Variants in FGD5 observed in about 807,000 individuals in gnomAD.
FGD5 encodes the protein FYVE, RhoGEF and PH domain-containing protein 5.
In FGD5, 28 loss-of-function variants were observed where a neutral mutation model predicts 133.4. The ratio of observed to expected loss-of-function variants is 0.21; its 90% CI spans 0.16 to 0.29. The LOEUF (loss-of-function observed/expected upper bound fraction) is 0.29, where lower values mean the gene tolerates loss of function less well. Among genes scored for constraint, FGD5 ranks in the 10% least tolerant of loss-of-function variants. The pLI, the probability that FGD5 is intolerant of heterozygous loss-of-function variation, is 1.00. For synonymous variants in FGD5, 810 were observed against 776.5 expected, an observed-to-expected ratio of 1.04 and a Z score of -0.72; for missense variants, 1,858 against 1,895.2, an observed-to-expected ratio of 0.98 and a Z score of 0.36.
At chr3:14,832,375 T>G (rs1413251485) in intron 1 of FGD5, among the ~76,000 whole-genome samples, 1 of 152,204 alleles carries the variant, frequency 6.6e-6, no homozygotes, top group Non-Finnish European at 1.5e-5. Flanking sequence ...GCTGTTTTTT[T>G]GTCTGTACTT....
intron 6 of FGD5, 26 bp downstream of exon 6, chr3:14,898,121 C>T: frequency 6.2e-7 from 1 of 1,613,444 alleles, no homozygotes; most frequent in Non-Finnish European, 8.5e-7. Context: ...CTCTGAGACC[C>T]TGCTGTAAGG....
intron 9 of FGD5, among the ~76,000 whole-genome samples, chr3:14,901,773 AC>A (rs2038244261): frequency 6.6e-6 from 1 of 152,346 alleles, no homozygotes; most frequent in Admixed American, 6.5e-5. Flanking sequence ...TGAGTCATCC[AC>A]AGGCAGAAGA....
chr3:14,924,169 G>A, intron 17 of FGD5, 31 bp downstream of exon 17: 2 of 1,613,800 alleles, frequency 1.2e-6, no homozygotes, highest in South Asian at 2.2e-5. Context: ...CAAGTGGGAA[G>A]TAGGGCATTT....
chr3:14,907,211 A>G (rs968067205), intron 9 of FGD5, among the ~76,000 whole-genome samples: 1 of 152,206 alleles, frequency 6.6e-6, no homozygotes, highest in Non-Finnish European at 1.5e-5. Flanking sequence ...GACAAGGCAC[A>G]CTTATTTTTC....
chr3:14,830,244 C>T (rs1559471894), intron 1 of FGD5, among the ~76,000 whole-genome samples: 1 of 152,246 alleles, frequency 6.6e-6, no homozygotes, highest in Non-Finnish European at 1.5e-5. Flanking sequence ...AAAACCATCA[C>T]ATCCTAATGC....
At chr3:14,828,418 A>G (rs1193992866) in intron 1 of FGD5, among the ~76,000 whole-genome samples, 3 of 152,150 alleles carry the variant, frequency 2.0e-5, no homozygotes, top group Non-Finnish European at 4.4e-5. Flanking sequence ...AAGGTACCTC[A>G]ATACCTTTAT....
intron 9 of FGD5, among the ~76,000 whole-genome samples, chr3:14,907,115 C>G (rs1217336769): frequency 6.6e-6 from 1 of 152,212 alleles, no homozygotes; most frequent in Non-Finnish European, 1.5e-5. Context: ...AGGGTGGGCG[C>G]TTGTTGTATC....
chr3:14,858,397 A>ATG (rs1559482630), intron 1 of FGD5, among the ~76,000 whole-genome samples: 19 of 95,904 alleles, frequency 2.0e-4, no homozygotes, highest in East Asian at 6.6e-4. Context: ...ATGGATGGAT[A>ATG]GATAGATGAA....
Position 14,923,081 on chromosome 3 carries a change from G to A in FGD5, c.3843G>A (p.Pro1281=), listed in dbSNP as rs1050128721. ...GGAACTGTTCGCGGAACAAGTACCCGCTGAAGTACCTGAAGGACAGGATGG... is the reference window on the plus strand; with the variant it reads ...GGAACTGTTCGCGGAACAAGTACCCACTGAAGTACCTGAAGGACAGGATGG... ...VCRNCSRNKY[P]LKYLKDRMAK... The change falls in exon 16 of 20, where the codon CCG becomes CCA. Residue 1281 remains proline, a synonymous_variant. Coordinates refer to ENST00000285046, the MANE Select transcript of FGD5 (RefSeq NM_152536.4). The A allele has an allele frequency of 3.7e-6, 6 of 1,613,788 alleles. No individual in the cohort carries two copies. The highest frequency in any genetic ancestry group is 4.5e-5 in the East Asian group (2 of 44,886).
intron 1 of FGD5, among the ~76,000 whole-genome samples, chr3:14,858,649 C>CA (rs913388000): frequency 1.2e-4 from 19 of 152,122 alleles, no homozygotes; most frequent in Non-Finnish European, 1.5e-5. Flanking sequence ...AGGCAGGCAC[C>CA]AGATAGCTGA....
intron 4 of FGD5, chr3:14,897,214 G>C (rs925359597): frequency 2.9e-6 from 1 of 349,088 alleles, no homozygotes; most frequent in Non-Finnish European, 5.1e-6. Context: ...TGAAAAAGAA[G>C]AGTGTTCACC....
chr3:14,827,080 CAGTT>C (rs1203180223), intron 1 of FGD5, among the ~76,000 whole-genome samples: 7 of 152,084 alleles, frequency 4.6e-5, no homozygotes, highest in African/African-American at 9.7e-5. Context: ...TTATAACTTA[CAGTT>C]AGTTAGGTAG....
intron 1 of FGD5, among the ~76,000 whole-genome samples, chr3:14,844,360 C>A (rs2037003874): frequency 6.8e-6 from 1 of 146,108 alleles, no homozygotes; most frequent in Admixed American, 6.9e-5. Flanking sequence ...CAGACTCCCC[C>A]AGGCACTCCC....
chr3:14,815,123 G>A (rs2036348811), upstream of FGD5, among the ~76,000 whole-genome samples: 1 of 152,150 alleles, frequency 6.6e-6, no homozygotes, highest in Non-Finnish European at 1.5e-5. Flanking sequence ...AAACCCTGCA[G>A]TGGCTTCCCA....
chr3:14,904,553 T>TGC (rs1433828598), intron 9 of FGD5, among the ~76,000 whole-genome samples: 1 of 152,076 alleles, frequency 6.6e-6, no homozygotes, highest in Non-Finnish European at 1.5e-5. Flanking sequence ...TTTCTGGCAG[T>TGC]GCAAGGTGCT....
rs1575231713 is a variant in FGD5 at position 14,885,260 on chromosome 3, A to G, written c.2748+4488A>G. 2.0e-5 allele frequency among the ~76,000 whole-genome samples: 3 copies of G among 151,400 alleles called. 1 individual carries two copies. The Middle Eastern group carries it at 0.01, about 515-fold the overall frequency. ...AGTGGACAAGGGTCCAGAGCTTTAC[A>G]CAGCCCTCTGTATTTATTAGGCAAA... On this transcript the variant is annotated intron_variant, in intron 4 of 19. Coordinates refer to ENST00000285046, the MANE Select transcript of FGD5 (RefSeq NM_152536.4).
intron 4 of FGD5, among the ~76,000 whole-genome samples, chr3:14,890,959 A>G (rs971215789): frequency 1.3e-5 from 2 of 152,190 alleles, no homozygotes; most frequent in African/African-American, 4.8e-5. Context: ...ATTGAGACTC[A>G]GACAGGTGAC....
At chr3:14,887,387 A>G (rs904743811) in intron 4 of FGD5, among the ~76,000 whole-genome samples, 2 of 152,042 alleles carry the variant, frequency 1.3e-5, no homozygotes, top group African/African-American at 4.8e-5. Flanking sequence ...TCAGACAAAA[A>G]AAACTTCCTG....
chr3:14,925,389 A>T (rs2038781271), intron 17 of FGD5, among the ~76,000 whole-genome samples: 2 of 151,884 alleles, frequency 1.3e-5, no homozygotes, highest in Admixed American at 6.5e-5. Flanking sequence ...ATAATCACAT[A>T]TATGTATAAA....
Sources: allele counts gnomAD v4.1 joint callset (sites outside exome capture counted in the v4.1 genomes callset), GRCh38; gene constraint gnomAD v4.1.1; transcripts MANE v1.5; gene names NCBI Gene and HGNC (gene_info 2026-07-23, HGNC 2026-07-21).